The following ADGRB1 variants were observed in gnomAD, a reference collection of about 807,000 sequenced individuals.
ADGRB1 encodes the protein brain-specific angiogenesis inhibitor 1.
In ADGRB1, 36 loss-of-function variants were observed where a neutral mutation model predicts 175.7. That is an observed-to-expected ratio of 0.20 (90% confidence interval 0.16 to 0.27). The LOEUF is 0.27. ADGRB1 is among the 10% of genes least tolerant of loss of function. ADGRB1 has a pLI of 1.00. For synonymous variants in ADGRB1, 1,054 were observed against 979.4 expected (o/e 1.08, Z -1.42); for missense variants, 1,731 against 2,255.3 (o/e 0.77, Z 4.71).
At chr8:142,505,098 C>T (rs1386797693) in intron 17 of ADGRB1, among the ~76,000 whole-genome samples, 2 of 152,136 alleles carry the variant, frequency 1.3e-5, no homozygotes, top group African/African-American at 4.8e-5. Context: ...GCGCCCTCCC[C>T]GTCACTGTCC....
At chr8:142,487,051 A>T (rs1363742591) in intron 13 of ADGRB1, among the ~76,000 whole-genome samples, 1 of 152,202 alleles carries the variant, frequency 6.6e-6, no homozygotes, top group Admixed American at 6.5e-5. Flanking sequence ...ATTTTTCCAT[A>T]GTGAAATGCC....
chr8:142,486,734 T>C (rs1428672101), intron 13 of ADGRB1, among the ~76,000 whole-genome samples: 1 of 152,202 alleles, frequency 6.6e-6, no homozygotes, highest in Non-Finnish European at 1.5e-5. Flanking sequence ...AATTAAAGAC[T>C]GAGGTTAGGC....
At position 142,543,007 on chromosome 8, in the gene ADGRB1, T is replaced by C. The variant is rs536924315; in HGVS notation, c.4413+360T>C. 5.9e-5 allele frequency among the ~76,000 whole-genome samples: 9 copies of C among 152,292 alleles called. No individual in the cohort carries two copies. Among genetic ancestry groups the C allele is most frequent in the African/African-American group, 2.2e-4 (9 of 41,582 alleles). ...GCAGCTGACCCAGCCTCAGTCAGCC[T>C]GTAGGATGTTGTTTTTGGGGGAGCC... is the stretch of plus-strand genomic sequence containing the variant. On this transcript the variant is annotated intron_variant, in intron 28 of 30. Coordinates refer to ENST00000517894, the MANE Select transcript of ADGRB1 (RefSeq NM_001702.3). The surrounding 1 kb of genome is among the most constrained non-coding windows in gnomAD (Gnocchi z 4.4).
intron 6 of ADGRB1, 124 bp downstream of exon 6, chr8:142,477,673 G>T: frequency 7.7e-7 from 1 of 1,302,710 alleles, no homozygotes; most frequent in African/African-American, 1.5e-5. Flanking sequence ...GTGCTCAGAG[G>T]TTGGAACCTC....
At position 142,449,798 on chromosome 8, in the gene ADGRB1, C is replaced by CCGCGT. The variant is rs1026448030; in HGVS notation, c.-524_-520dup. On this transcript the variant is annotated 5_prime_UTR_variant, in exon 1 of 31. Coordinates refer to ENST00000517894, the MANE Select transcript of ADGRB1 (RefSeq NM_001702.3). Reference sequence around the variant, plus strand: ...AGAGCCGGGAGCACAGGCGGCCGCGCCGCGTCCTGGCCCGGCCCGGGCCCG... The same window carrying CCGCGT: ...AGAGCCGGGAGCACAGGCGGCCGCGCCGCGTCGCGTCCTGGCCCGGCCCGGGCCCG... The CCGCGT allele has an allele frequency of 2.5e-4, 36 of 146,634 alleles. No homozygotes were observed. Among genetic ancestry groups the CCGCGT allele is most frequent in the Non-Finnish European group, 4.7e-4 (31 of 65,736 alleles). The allele number at this position is 146,634 out of a possible 1,614,324, so 9.1% of individuals were successfully genotyped here.
At chr8:142,497,266 C>T (rs1183465023) in intron 17 of ADGRB1, among the ~76,000 whole-genome samples, 1 of 152,202 alleles carries the variant, frequency 6.6e-6, no homozygotes, top group South Asian at 2.1e-4. Flanking sequence ...GGGACCCAGA[C>T]CCTGGTCCCT....
intron 17 of ADGRB1, among the ~76,000 whole-genome samples, chr8:142,506,101 G>A (rs1842837807): frequency 6.6e-6 from 1 of 152,186 alleles, no homozygotes; most frequent in Non-Finnish European, 1.5e-5. Flanking sequence ...TGCTGACTGA[G>A]CACCTGGGCG....
chr8:142,456,175 C>A (rs1330611309), intron 1 of ADGRB1, among the ~76,000 whole-genome samples: 1 of 152,148 alleles, frequency 6.6e-6, no homozygotes, highest in Non-Finnish European at 1.5e-5. Context: ...GTCCCTGTGC[C>A]CATTCCAGAT....
At chr8:142,533,831 T>C (rs1844772722) in intron 25 of ADGRB1, among the ~76,000 whole-genome samples, 1 of 152,216 alleles carries the variant, frequency 6.6e-6, no homozygotes. Context: ...TTCCGGCGTT[T>C]TCTGGATCTT....
chr8:142,500,968 C>T (rs1184166790), intron 17 of ADGRB1, among the ~76,000 whole-genome samples: 1 of 151,950 alleles, frequency 6.6e-6, no homozygotes, highest in Non-Finnish European at 1.5e-5. Context: ...GTGGCCGTCC[C>T]TCCTGCCAGC....
At chr8:142,458,391 C>T (rs1181769099) in intron 1 of ADGRB1, among the ~76,000 whole-genome samples, 2 of 152,130 alleles carry the variant, frequency 1.3e-5, no homozygotes, top group Admixed American at 6.5e-5. Context: ...CAGTGCCTCT[C>T]GTCTGAGGGT....
Position 142,543,826 on chromosome 8 carries a change from T to C in ADGRB1, c.4557+118T>C, listed in dbSNP as rs1010798376. ...TCCATCCATCCATCCATTCGTTCAT[T>C]CATTCATTCATTCGCCCATCCCTGA... On this transcript the variant is annotated intron_variant, in intron 30 of 30. Transcript: ENST00000517894. The surrounding 1 kb of genome is among the most constrained non-coding windows in gnomAD (Gnocchi z 4.4). 2.1e-5 allele frequency: 22 copies of C among 1,026,060 alleles called. No homozygotes were observed. The African/African-American group carries it at 3.2e-4, about 15-fold the overall frequency. The allele number at this position is 1,026,060 out of a possible 1,614,324, so 63.6% of individuals were successfully genotyped here. A position where few individuals can be genotyped will look rare whatever the true frequency, so the allele number is the denominator to read the frequency against.
chr8:142,479,049 C>G, intron 7 of ADGRB1: 1 of 369,812 alleles, frequency 2.7e-6, no homozygotes, highest in African/African-American at 2.1e-5. Context: ...TGTGGGGTGG[C>G]CGTGGGGTAG....
At chr8:142,535,514 C>G (rs1468382808) in intron 25 of ADGRB1, among the ~76,000 whole-genome samples, 1 of 152,206 alleles carries the variant, frequency 6.6e-6, no homozygotes, top group Non-Finnish European at 1.5e-5. Flanking sequence ...GCCTTGCCTA[C>G]CCAGGTCCTC....
In ADGRB1 at chr8:142,477,306, G is replaced by A. The variant is rs575971439; in HGVS notation, c.1222+28G>A. 128 of 1,588,206 alleles carry A rather than the reference G, an allele frequency of 8.1e-5. 3 individuals carry two copies. In the South Asian group the frequency reaches 1.2e-3, roughly 15 times the overall value. On this transcript the variant is annotated intron_variant, in intron 5 of 30. Coordinates refer to ENST00000517894, the MANE Select transcript of ADGRB1 (RefSeq NM_001702.3). The stretch of plus-strand genomic sequence containing the variant: ...GGGTGGGACCTTGGGCTGGGGCAGC[G>A]GACAGCCAGGGCAGCGGGGGGCCAG...
intron 11 of ADGRB1, among the ~76,000 whole-genome samples, chr8:142,481,993 G>T (rs1384508591): frequency 6.9e-6 from 1 of 144,616 alleles, no homozygotes; most frequent in Non-Finnish European, 1.5e-5. Flanking sequence ...CTGAGCTCTG[G>T]TCACACACTG....
chr8:142,503,239 C>A (rs548187482), intron 17 of ADGRB1, among the ~76,000 whole-genome samples: 1 of 151,850 alleles, frequency 6.6e-6, no homozygotes, highest in African/African-American at 2.4e-5. Flanking sequence ...GAGGAAATGG[C>A]GGGAGAGCCA....
intron 24 of ADGRB1, among the ~76,000 whole-genome samples, chr8:142,531,824 A>G (rs2132216224): frequency 6.6e-6 from 1 of 152,240 alleles, no homozygotes; most frequent in East Asian, 1.9e-4. Flanking sequence ...GGAGAGGAGG[A>G]AGAGAGTCCA....
At chr8:142,513,681 C>A (rs929914172) in intron 18 of ADGRB1, among the ~76,000 whole-genome samples, 1 of 152,160 alleles carries the variant, frequency 6.6e-6, no homozygotes, top group East Asian at 1.9e-4. Flanking sequence ...CAGCCTTCTC[C>A]CCTCCTGAGT....
Sources: gnomAD v4.1 joint callset for allele counts (sites outside exome capture counted in the v4.1 genomes callset) on GRCh38, gnomAD v4.1.1 for gene constraint, Gnocchi (gnomAD v3.1) non-coding constraint, MANE v1.5 for transcripts, NCBI Gene and HGNC (gene_info 2026-07-23, HGNC 2026-07-21) for gene names.